Variants in PHYH observed in about 807,000 individuals in gnomAD.
PHYH encodes phytanoyl-CoA 2-hydroxylase.
Under a neutral mutation model 38.5 loss-of-function variants are expected in PHYH, and 32 were observed. That is an observed-to-expected ratio of 0.83 (90% CI 0.63 to 1.12). The LOEUF is 1.12. PHYH is among the 50% of genes most tolerant of loss of function. The pLI is 0.00. For missense variants in PHYH, 426 were observed against 434.8 expected, an observed-to-expected ratio of 0.98 and a Z score of 0.18; for synonymous variants, 166 against 157.9, an observed-to-expected ratio of 1.05 and a Z score of -0.38.
chr10:13,299,624 G>C, intron 1 of PHYH: 1 of 1,109,200 alleles, frequency 9.0e-7, no homozygotes, highest in Non-Finnish European at 1.1e-6. Flanking sequence ...GCCTGTGATT[G>C]GACATCTCTG....
rs71287346 is a variant in PHYH, at chr10:13,287,335, A to AAAAACAAAAC, written c.678+1015_678+1024dup. 4.6e-5 allele frequency among the ~76,000 whole-genome samples: 7 copies of AAAAACAAAAC among 151,632 alleles called. No individual in the cohort carries two copies. In the East Asian group the frequency reaches 5.9e-4, roughly 13 times the overall value. On this transcript the variant is annotated intron_variant, in intron 6 of 8. Transcript: ENST00000263038. ...GCCTGGTGACAGAGTGAGACTCCTC[A>AAAAACAAAAC]AAAACAAAACAAAACAAAACACAAC...
chr10:13,288,249 T>C, intron 6 of PHYH, 111 bp downstream of exon 6: 1 of 968,158 alleles, frequency 1.0e-6, no homozygotes, highest in Non-Finnish European at 1.6e-6. Context: ...AGGACAATGT[T>C]TTGCTCAGAA....
At chr10:13,278,673 T>A (rs553364361) in intron 8 of PHYH, among the ~76,000 whole-genome samples, 2 of 150,382 alleles carry the variant, frequency 1.3e-5, no homozygotes, top group Admixed American at 1.3e-4. Flanking sequence ...GGATTACAGG[T>A]GTGCACCACC....
chr10:13,278,140 T>C lies in PHYH; in HGVS notation c.*161A>G, dbSNP rs1295949795. On this transcript the variant is annotated 3_prime_UTR_variant, in exon 9 of 9. Transcript: ENST00000263038. ...TTTTTTTCCATTAAAGCAACACCAT[T>C]GTGCTGCAAAACTAACTCTATGCAA... 2 of 667,752 alleles carry C rather than the reference T, an allele frequency of 3.0e-6. No homozygotes were observed. The highest frequency in any genetic ancestry group is 3.6e-5 in the African/African-American group (2 of 55,676). The allele number at this position is 667,752 out of a possible 1,614,324, so 41.4% of individuals were successfully genotyped here. A position where few individuals can be genotyped will look rare whatever the true frequency, so the allele number is the denominator to read the frequency against.
At chr10:13,288,823 T>C (rs756147604) in intron 5 of PHYH, among the ~76,000 whole-genome samples, 1 of 146,492 alleles carries the variant, frequency 6.8e-6, no homozygotes, top group Non-Finnish European at 1.5e-5. Flanking sequence ...GGTGGGAGGA[T>C]CACCTGAGCC....
At chr10:13,299,799 C>T in intron 1 of PHYH, 169 bp downstream of exon 1, 1 of 1,315,356 alleles carries the variant, frequency 7.6e-7, no homozygotes, top group Non-Finnish European at 9.7e-7. Context: ...CTTCCCCGCT[C>T]CCCGGCTCCT....
intron 6 of PHYH, among the ~76,000 whole-genome samples, chr10:13,285,979 C>A (rs959426336): frequency 6.6e-6 from 1 of 152,096 alleles, no homozygotes; most frequent in Non-Finnish European, 1.5e-5. Context: ...ACCAACATAG[C>A]CCACTGCAGC....
chr10:13,285,140 TGACACTAATTATTG>T (rs1835515674), intron 6 of PHYH, among the ~76,000 whole-genome samples: 1 of 152,206 alleles, frequency 6.6e-6, no homozygotes, highest in Admixed American at 6.5e-5. Context: ...TATTTTCATT[TGACACTAATTATTG>T]GTGCAAGAAA....
Position 13,279,249 on chromosome 10 carries a change from C to T in PHYH, c.964-895G>A, listed in dbSNP as rs191766042. ...CTGACCTCAGGTGATCCACCCGCCT[C>T]AAACACCCAAAGTGCTGGGATTACA... is the stretch of plus-strand genomic sequence containing the variant. On this transcript the variant is annotated intron_variant, in intron 8 of 8. Transcript: ENST00000263038. 7.0e-4 allele frequency among the ~76,000 whole-genome samples: 106 copies of T among 152,126 alleles called. 1 individual carries two copies. Among genetic ancestry groups the T allele is most frequent in the Admixed American group, 1.5e-3 (23 of 15,268 alleles).
intron 4 of PHYH, among the ~76,000 whole-genome samples, chr10:13,294,033 C>A (rs2985296): frequency 0.7 from 105,527 of 151,128 alleles, 37,761 homozygotes; most frequent in East Asian, 0.89. Context: ...GAAACCCTTT[C>A]TCTACTAAAA....
intron 2 of PHYH, among the ~76,000 whole-genome samples, chr10:13,296,755 G>C (rs937792291): frequency 6.6e-5 from 9 of 135,464 alleles, no homozygotes; most frequent in Non-Finnish European, 1.1e-4. Context: ...GTCAGATCGG[G>C]ACCATCCTGG....
At chr10:13,295,752 A>G in intron 2 of PHYH, 146 bp from the exon 3 acceptor site, 1 of 621,314 alleles carries the variant, frequency 1.6e-6, no homozygotes, top group Non-Finnish European at 2.9e-6. Flanking sequence ...CCCAGGCAAC[A>G]TGATGAAACC....
At chr10:13,293,592 G>A (rs1035013292) in intron 4 of PHYH, among the ~76,000 whole-genome samples, 1 of 151,694 alleles carries the variant, frequency 6.6e-6, no homozygotes, top group Middle Eastern at 3.2e-3. Flanking sequence ...GAGCCACCGC[G>A]CCCGGCAGTT....
At chr10:13,286,379 G>A (rs1588509489) in intron 6 of PHYH, among the ~76,000 whole-genome samples, 2 of 152,050 alleles carry the variant, frequency 1.3e-5, no homozygotes, top group South Asian at 2.1e-4. Flanking sequence ...CATGGTTCAC[G>A]GTGCAGCCAT....
chr10:13,284,247 G>A (rs779727969), intron 6 of PHYH, among the ~76,000 whole-genome samples: 5 of 152,038 alleles, frequency 3.3e-5, no homozygotes, highest in Non-Finnish European at 5.9e-5. Context: ...CGATTGAGCC[G>A]GGAGGGGGAG....
intron 6 of PHYH, among the ~76,000 whole-genome samples, chr10:13,284,612 T>C (rs1179904076): frequency 1.3e-5 from 2 of 152,136 alleles, no homozygotes; most frequent in African/African-American, 4.8e-5. Context: ...TTCCCCAAAA[T>C]AGGGGGGAGA....
At chr10:13,286,518 T>C (rs1300718686) in intron 6 of PHYH, among the ~76,000 whole-genome samples, 1 of 151,868 alleles carries the variant, frequency 6.6e-6, no homozygotes, top group Non-Finnish European at 1.5e-5. Context: ...CTGGCCAACA[T>C]AGTGAAAACT....
intron 2 of PHYH, among the ~76,000 whole-genome samples, chr10:13,297,228 T>C (rs768349239): frequency 2.0e-5 from 3 of 152,126 alleles, no homozygotes; most frequent in Non-Finnish European, 2.9e-5. Context: ...AATTGTATAT[T>C]TTTAACTGTC....
intron 7 of PHYH, 81 bp downstream of exon 7, chr10:13,283,609 T>C: frequency 7.2e-7 from 1 of 1,397,560 alleles, no homozygotes; most frequent in Non-Finnish European, 1.0e-6. Flanking sequence ...TTTATTCAAT[T>C]AATTTGAATT....
Sources: gnomAD v4.1 joint callset for allele counts (sites outside exome capture counted in the v4.1 genomes callset) on GRCh38, gnomAD v4.1.1 for gene constraint, MANE v1.5 for transcripts, NCBI Gene and HGNC (gene_info 2026-07-23, HGNC 2026-07-21) for gene names.